SCAMP4: variants seen among roughly 807,000 people sequenced by gnomAD.
The protein encoded by SCAMP4 is secretory carrier membrane protein 4, also known as secretory carrier-associated membrane protein 4.
In SCAMP4, 19 loss-of-function variants were observed where a neutral mutation model predicts 32.1. The ratio of observed to expected loss-of-function variants is 0.59; its 90% CI spans 0.41 to 0.87. SCAMP4 has a LOEUF of 0.87. SCAMP4 is among the 40% of genes least tolerant of loss of function. SCAMP4 has a pLI of 0.00. For synonymous variants in SCAMP4, 152 were observed against 132.7 expected (o/e 1.15, Z -1.00); for missense variants, 302 against 309.0 (o/e 0.98, Z 0.17).
chr19:1,917,865 G>A, intron 3 of SCAMP4, 43 bp downstream of exon 3: 1 of 1,610,040 alleles, frequency 6.2e-7, no homozygotes. Flanking sequence ...GGGAGGCAGG[G>A]CTCCCCGAGG....
chr19:1,918,935 G>C lies in SCAMP4; in HGVS notation c.340G>C (p.Ala114Pro). 1 of 1,612,654 alleles carries C rather than the reference G, an allele frequency of 6.2e-7. No individual in the cohort carries two copies. The highest frequency in any genetic ancestry group is 1.1e-5 in the South Asian group (1 of 90,670). ...NFMAFFFIFG[A>P]QFVLTVIQAI... ...CATGGCGTTTTTCTTCATCTTCGGA[G>C]CCCAGTTTGTCCTGACCGTCATCCA... is the stretch of plus-strand genomic sequence containing the variant. The change falls in exon 5 of 7, where the codon GCC (alanine) becomes CCC (proline). Residue 114 changes from alanine to proline, a missense_variant. Ala to Pro is a conservative substitution (Grantham distance 27, BLOSUM62 -1). Coordinates refer to ENST00000316097, the MANE Select transcript of SCAMP4 (RefSeq NM_079834.4).
At chr19:1,910,659 C>G (rs541391624) in intron 1 of SCAMP4, among the ~76,000 whole-genome samples, 18 of 150,174 alleles carry the variant, frequency 1.2e-4, no homozygotes, top group African/African-American at 3.2e-4. Flanking sequence ...TCACTGCAAC[C>G]TCTGCCTCCC....
intron 1 of SCAMP4, among the ~76,000 whole-genome samples, chr19:1,911,706 C>T (rs1337771186): frequency 1.3e-5 from 2 of 152,132 alleles, no homozygotes; most frequent in Admixed American, 6.5e-5. Context: ...TAGCTTGAAC[C>T]CGGGAGGCGG....
chr19:1,919,735 GCAATCCGCCTTTCTCAGC>G (rs2013859664), intron 5 of SCAMP4, among the ~76,000 whole-genome samples: 1 of 151,844 alleles, frequency 6.6e-6, no homozygotes, highest in African/African-American at 2.4e-5. Flanking sequence ...CCGAGCTCAG[GCAATCCGCCTTTCTCAGC>G]CTCCCAAAGT....
intron 6 of SCAMP4, 113 bp downstream of exon 6, chr19:1,923,300 A>C: frequency 1.1e-6 from 1 of 873,254 alleles, no homozygotes; most frequent in Non-Finnish European, 1.7e-6. Context: ...CCACGGTGTC[A>C]CGCAGGCCGC....
chr19:1,912,200 G>A (rs988104605), intron 1 of SCAMP4: 31 of 1,588,420 alleles, frequency 2.0e-5, no homozygotes, highest in Non-Finnish European at 2.1e-5. Flanking sequence ...TGTCCGAGAA[G>A]CAGTCAGGGG....
At chr19:1,921,166 G>A in intron 5 of SCAMP4, 1 of 985,180 alleles carries the variant, frequency 1.0e-6, no homozygotes, top group Non-Finnish European at 1.2e-6. Context: ...AGAGGGGACA[G>A]CCCCGCTCTC....
chr19:1,907,286 C>T (rs1362510183), intron 1 of SCAMP4: 1 of 151,680 alleles, frequency 6.6e-6, no homozygotes, highest in East Asian at 1.9e-4. Context: ...GCCTTCCAGG[C>T]TGGGCTGTGG....
chr19:1,913,219 C>A, intron 1 of SCAMP4: 1 of 1,455,644 alleles, frequency 6.9e-7, no homozygotes, highest in Non-Finnish European at 9.1e-7. Context: ...GACTTCCGGG[C>A]CTCGATTTCT....
intron 4 of SCAMP4, chr19:1,918,623 G>A (rs919442059): frequency 2.4e-4 from 128 of 530,698 alleles, no homozygotes; most frequent in Non-Finnish European, 7.5e-5. Flanking sequence ...TTAGCCAGGC[G>A]TGGTTGCGGG....
In SCAMP4 at chr19:1,922,536, C is replaced by T. The variant is rs77517082; in HGVS notation, c.396-534C>T. ...AGGCGTAAGCCTCTGCGCCCGGCCT[C>T]CTCATTGTTTCTAATGGTCCCTCAG... On this transcript the variant is annotated intron_variant, in intron 5 of 6. Transcript: ENST00000316097. The T allele has an allele frequency of 4.1e-3, 4,017 of 985,424 alleles. 8 individuals are homozygous for T. Among genetic ancestry groups the T allele is most frequent in the Non-Finnish European group, 4.4e-3 (3,672 of 829,910 alleles). 61.0% of individuals were successfully genotyped at this position (985,424 alleles called of 1,614,324 possible). A position where few individuals can be genotyped will look rare whatever the true frequency, so the allele number is the denominator to read the frequency against.
intron 1 of SCAMP4, among the ~76,000 whole-genome samples, chr19:1,910,051 C>T (rs1320346327): frequency 1.3e-5 from 2 of 152,350 alleles, no homozygotes; most frequent in East Asian, 1.9e-4. Flanking sequence ...CCACACTTGG[C>T]ATGCTTGCTT....
chr19:1,912,655 C>T, intron 1 of SCAMP4: 3 of 1,421,520 alleles, frequency 2.1e-6, no homozygotes, highest in Non-Finnish European at 2.7e-6. Flanking sequence ...GCCCGGCGGG[C>T]AGCAGCGCGG....
chr19:1,917,872 G>T, intron 3 of SCAMP4, 50 bp downstream of exon 3: 2 of 1,607,422 alleles, frequency 1.2e-6, no homozygotes, highest in Non-Finnish European at 8.5e-7. Context: ...AGGGCTCCCC[G>T]AGGGAGGGAG....
At chr19:1,921,286 C>T (rs2013912470) in intron 5 of SCAMP4, 5 of 985,326 alleles carry the variant, frequency 5.1e-6, no homozygotes, top group South Asian at 4.7e-5. Context: ...TCACCAGCGT[C>T]ACCTCCCCAG....
chr19:1,919,342 C>G (rs532844722), intron 5 of SCAMP4: 17 of 1,152,498 alleles, frequency 1.5e-5, no homozygotes, highest in African/African-American at 4.7e-5. Flanking sequence ...TGTTTCTGCA[C>G]GGATCGCTGC....
intron 1 of SCAMP4, among the ~76,000 whole-genome samples, chr19:1,910,477 G>T (rs576652816): frequency 1.1e-4 from 16 of 152,190 alleles, no homozygotes; most frequent in African/African-American, 3.1e-4. Context: ...AGGGGTGATG[G>T]AATGTTCTGG....
intron 1 of SCAMP4, chr19:1,913,090 G>C: frequency 2.5e-6 from 4 of 1,599,832 alleles, no homozygotes; most frequent in Non-Finnish European, 2.5e-6. Context: ...CTCAACCACC[G>C]CTTCCAGGTG....
chr19:1,912,132 T>G (rs755666979), intron 1 of SCAMP4: 1 of 1,555,368 alleles, frequency 6.4e-7, no homozygotes, highest in Non-Finnish European at 8.7e-7. Flanking sequence ...GCAGCCCAAG[T>G]GCTTGGAGGC....
Sources: allele counts gnomAD v4.1 joint callset (sites outside exome capture counted in the v4.1 genomes callset), GRCh38; gene constraint gnomAD v4.1.1; transcripts MANE v1.5; gene names NCBI Gene and HGNC (gene_info 2026-07-23, HGNC 2026-07-21).